Variants in PCDHGB2 observed in about 807,000 individuals in gnomAD.
PCDHGB2 encodes protocadherin gamma subfamily B, 2.
Under a neutral mutation model 59.3 loss-of-function variants are expected in PCDHGB2, and 55 were observed. That is an observed-to-expected ratio of 0.93 (90% CI 0.75 to 1.16). The LOEUF is 1.16. PCDHGB2 is among the 50% of genes most tolerant of loss of function. PCDHGB2 has a pLI of 0.00. For synonymous variants in PCDHGB2, 516 were observed against 512.0 expected, an observed-to-expected ratio of 1.01 and a Z score of -0.11; for missense variants, 1,228 against 1,198.5, an observed-to-expected ratio of 1.02 and a Z score of -0.36.
rs777990962 is a variant in PCDHGB2, at chr5:141,431,580, A to T, written c.2422-63227A>T. ...GCTACCGACCCTGACGAAGGAGTCA[A>T]TGCGGAAGTGAGGTATTCCTTCCGG... is the stretch of plus-strand genomic sequence containing the variant. On this transcript the variant is annotated intron_variant, in intron 1 of 3. Coordinates refer to ENST00000522605, the MANE Select transcript of PCDHGB2 (RefSeq NM_018923.3). The surrounding 1 kb of genome is among the most constrained non-coding windows in gnomAD (Gnocchi z 4.8). The T allele has an allele frequency of 6.2e-7, 1 of 1,614,216 alleles. No individual in the cohort carries two copies.
Position 141,432,771 on chromosome 5 carries a change from T to G in PCDHGB2, c.2422-62036T>G. The G allele has an allele frequency of 6.2e-7, 1 of 1,614,006 alleles. No homozygotes were observed. The highest frequency in any genetic ancestry group is 8.5e-7 in the Non-Finnish European group (1 of 1,179,966). On this transcript the variant is annotated intron_variant, in intron 1 of 3. Coordinates refer to ENST00000522605, the MANE Select transcript of PCDHGB2 (RefSeq NM_018923.3). This position sits in a 1 kb window ranked among gnomAD's most constrained non-coding sequence, Gnocchi z 6.0. ...GCCGTGGCCGACAGCATCCCCCAAG[T>G]CCTGGCGGACCTCGGCAGCCTCGAG...
chr5:141,449,588 CAA>C (rs768743917), intron 1 of PCDHGB2, among the ~76,000 whole-genome samples: 5 of 57,502 alleles, frequency 8.7e-5, no homozygotes, highest in Admixed American at 1.8e-4. Flanking sequence ...GACTCTGTCT[CAA>C]AAAAAAAAAA....
chr5:141,433,514 G>C (rs1330494451), intron 1 of PCDHGB2, among the ~76,000 whole-genome samples: 1 of 152,016 alleles, frequency 6.6e-6, no homozygotes, highest in East Asian at 1.9e-4. Context: ...GATTACAGGC[G>C]TGAACCACAG....
chr5:141,393,964 G>C, intron 1 of PCDHGB2: 1 of 1,613,870 alleles, frequency 6.2e-7, no homozygotes, highest in Middle Eastern at 1.6e-4. Flanking sequence ...CAAGTTGTCT[G>C]TTACACACGT....
chr5:141,427,139 T>C (rs1430333586), intron 1 of PCDHGB2: 2 of 456,952 alleles, frequency 4.4e-6, no homozygotes, highest in East Asian at 1.4e-4. Context: ...TACGAGATGA[T>C]ATTGGAAATA....
chr5:141,390,182 A>G (rs771358768), intron 1 of PCDHGB2: 5 of 1,613,870 alleles, frequency 3.1e-6, no homozygotes, highest in Non-Finnish European at 1.7e-6. Flanking sequence ...ATTTCCTAAA[A>G]TGTAGTGAGC....
chr5:141,449,497 G>A (rs903338878), intron 1 of PCDHGB2, among the ~76,000 whole-genome samples: 4 of 149,856 alleles, frequency 2.7e-5, no homozygotes, highest in African/African-American at 9.9e-5. Flanking sequence ...GGTGAGGCAT[G>A]AGAAATGCTT....
chr5:141,421,365 G>A (rs1189449968), intron 1 of PCDHGB2: 2 of 1,614,026 alleles, frequency 1.2e-6, no homozygotes, highest in South Asian at 1.1e-5. Flanking sequence ...GCTCCTTCGT[G>A]GGCAATATCT....
Position 141,423,756 on chromosome 5 carries a change from G to GA in PCDHGB2, c.2421+61200_2421+61201insA. ...GCCTGTTATGAAAACTGTTTGGGGGGGGGGTGGGGCGGCATATATTTAGTT... is the reference window on the plus strand; with the variant it reads ...GCCTGTTATGAAAACTGTTTGGGGGGAGGGGTGGGGCGGCATATATTTAGTT... On this transcript the variant is annotated intron_variant, in intron 1 of 3. Transcript: ENST00000522605. 2 of 448,622 alleles carry GA rather than the reference G, an allele frequency of 4.5e-6. 1 individual carries two copies. The highest frequency in any genetic ancestry group is 6.1e-6 in the Non-Finnish European group (2 of 329,708). 27.8% of individuals were successfully genotyped at this position (448,622 alleles called of 1,614,324 possible). A position where few individuals can be genotyped will look rare whatever the true frequency, so the allele number is the denominator to read the frequency against.
chr5:141,408,443 A>G (rs1486863170), intron 1 of PCDHGB2: 1 of 1,613,956 alleles, frequency 6.2e-7, no homozygotes, highest in Non-Finnish European at 8.5e-7. Flanking sequence ...AGACGCGGAG[A>G]GCGGGGACTT....
intron 1 of PCDHGB2, chr5:141,421,700 C>G: frequency 6.2e-7 from 1 of 1,613,900 alleles, no homozygotes; most frequent in Non-Finnish European, 8.5e-7. Context: ...CTTCCTAATG[C>G]TAGGGATCCA....
Position 141,399,843 on chromosome 5 carries a change from T to C in PCDHGB2, c.2421+37287T>C, listed in dbSNP as rs1452069886. ...GTCCCGACGGCTCTGCGCTCTTCGATATGGTGCCGCGCGCTGCAGAGCCCG... is the reference window on the plus strand; with the variant it reads ...GTCCCGACGGCTCTGCGCTCTTCGACATGGTGCCGCGCGCTGCAGAGCCCG... On this transcript the variant is annotated intron_variant, in intron 1 of 3. Coordinates refer to ENST00000522605, the MANE Select transcript of PCDHGB2 (RefSeq NM_018923.3). 2.5e-6 allele frequency: 4 copies of C among 1,612,848 alleles called. No homozygotes were observed. The African/African-American group carries it at 5.3e-5, about 22-fold the overall frequency.
At position 141,409,941 on chromosome 5, in the gene PCDHGB2, G is replaced by C. The variant is rs757414302; in HGVS notation, c.2421+47385G>C. ...TCCGCGTTCTTCGATATGGTACCTC[G>C]CTCTGCAGAGCCCGGCTACCTAGTG... On this transcript the variant is annotated intron_variant, in intron 1 of 3. Transcript: ENST00000522605. 1.9e-6 allele frequency: 3 copies of C among 1,613,226 alleles called. No homozygotes were observed. In the South Asian group the frequency reaches 3.3e-5, roughly 18 times the overall value.
chr5:141,425,845 GT>G (rs2096898477), intron 1 of PCDHGB2, among the ~76,000 whole-genome samples: 1 of 152,126 alleles, frequency 6.6e-6, no homozygotes, highest in Non-Finnish European at 1.5e-5. Context: ...TCTTTGCTGG[GT>G]TAATGACTGT....
chr5:141,450,829 A>ATTT (rs373424450), intron 1 of PCDHGB2, among the ~76,000 whole-genome samples: 12,063 of 134,876 alleles, frequency 0.089, 619 homozygotes, highest in African/African-American at 0.14. Flanking sequence ...TATTATTATT[A>ATTT]TTTTTTTTTT....
chr5:141,485,666 A>G lies in PCDHGB2; in HGVS notation c.2422-9141A>G. ...GGCTCAGGATGCAGATGTGGGGAGC[A>G]ATTCGATTAGCAGCTATAGGCTGAG... On this transcript the variant is annotated intron_variant, in intron 1 of 3. Coordinates refer to ENST00000522605, the MANE Select transcript of PCDHGB2 (RefSeq NM_018923.3). The surrounding 1 kb of genome is among the most constrained non-coding windows in gnomAD (Gnocchi z 5.7). 1 of 1,612,786 alleles carries G rather than the reference A, an allele frequency of 6.2e-7. No homozygotes were observed. Among genetic ancestry groups the G allele is most frequent in the Non-Finnish European group, 8.5e-7 (1 of 1,178,960 alleles).
chr5:141,433,408 A>ATCTATCT (rs1413347413), intron 1 of PCDHGB2, among the ~76,000 whole-genome samples: 44 of 127,346 alleles, frequency 3.5e-4, no homozygotes, highest in African/African-American at 1.2e-3. Context: ...TCTATCTATT[A>ATCTATCT]CTTTCTTGTA....
intron 1 of PCDHGB2, chr5:141,405,493 C>T: frequency 1.2e-6 from 1 of 841,642 alleles, no homozygotes; most frequent in Middle Eastern, 3.1e-4. Flanking sequence ...GATCTCGGCT[C>T]ATTGCAACCT....
At position 141,432,297 on chromosome 5, in the gene PCDHGB2, T is replaced by C. The variant is rs1339659774; in HGVS notation, c.2422-62510T>C. 3.1e-6 allele frequency: 5 copies of C among 1,614,040 alleles called. No individual in the cohort carries two copies. The highest frequency in any genetic ancestry group is 1.7e-5 in the Admixed American group (1 of 60,006). ...GTGTCCATCAACTCCGACACTGGGG[T>C]ACTGTATGCGCTGAGCTCCTTCGAC... On this transcript the variant is annotated intron_variant, in intron 1 of 3. Transcript: ENST00000522605. This position sits in a 1 kb window ranked among gnomAD's most constrained non-coding sequence, Gnocchi z 6.0.
Sources: gnomAD v4.1 joint callset for allele counts (sites outside exome capture counted in the v4.1 genomes callset) on GRCh38, gnomAD v4.1.1 for gene constraint, Gnocchi (gnomAD v3.1) non-coding constraint, MANE v1.5 for transcripts, NCBI Gene and HGNC (gene_info 2026-07-23, HGNC 2026-07-21) for gene names.